Variants in MYO18B observed in about 807,000 individuals in gnomAD.
MYO18B encodes unconventional myosin-XVIIIb.
A neutral mutation model predicts 273.0 loss-of-function variants in MYO18B; 204 were observed. That is an observed-to-expected ratio of 0.75 (90% CI 0.67 to 0.84). The LOEUF is 0.84. Among genes scored for constraint, MYO18B ranks in the 40% least tolerant of loss-of-function variants. The pLI, the probability that MYO18B is intolerant of heterozygous loss-of-function variation, is 0.00. For synonymous variants in MYO18B, 1,330 were observed against 1,305.7 expected, an observed-to-expected ratio of 1.02 and a Z score of -0.40; for missense variants, 3,212 against 3,287.6, an observed-to-expected ratio of 0.98 and a Z score of 0.56.
At chr22:25,781,398 A>C (rs2087142965) in intron 9 of MYO18B, among the ~76,000 whole-genome samples, 2 of 152,128 alleles carry the variant, frequency 1.3e-5, no homozygotes, top group East Asian at 1.9e-4. Flanking sequence ...TCATGAGGTC[A>C]GGAGATTGAC....
intron 34 of MYO18B, among the ~76,000 whole-genome samples, chr22:25,941,272 T>C (rs1329444563): frequency 6.6e-6 from 1 of 152,190 alleles, no homozygotes; most frequent in Non-Finnish European, 1.5e-5. Context: ...CTGAGAGGCC[T>C]TGTCCATGGG....
At chr22:25,999,449 T>C (rs1180314515) in intron 40 of MYO18B, among the ~76,000 whole-genome samples, 3 of 152,060 alleles carry the variant, frequency 2.0e-5, no homozygotes, top group Non-Finnish European at 4.4e-5. Flanking sequence ...AGACATTGAA[T>C]TAATTATCTC....
chr22:25,754,738 G>A lies in MYO18B; in HGVS notation c.-109-6246G>A, dbSNP rs147472841. 5.3e-3 allele frequency among the ~76,000 whole-genome samples: 800 copies of A among 152,340 alleles called. 8 individuals are homozygous for A. The highest frequency in any genetic ancestry group is 0.018 in the African/African-American group (760 of 41,582). ...AATTAAGTCTTGACAAAACCTCCCC[G>A]GCGGGATTGGCTCCTGGCCCTGGGT... is the stretch of plus-strand genomic sequence containing the variant. On this transcript the variant is annotated intron_variant, in intron 1 of 43. Coordinates refer to ENST00000335473, the MANE Select transcript of MYO18B (RefSeq NM_032608.7).
intron 12 of MYO18B, among the ~76,000 whole-genome samples, chr22:25,804,139 T>C (rs946696241): frequency 7.2e-5 from 11 of 152,184 alleles, no homozygotes; most frequent in Non-Finnish European, 2.9e-5. Context: ...GTAAATCCAC[T>C]TTCTCTGCAG....
intron 7 of MYO18B, among the ~76,000 whole-genome samples, chr22:25,773,279 C>T (rs541783405): frequency 1.3e-5 from 2 of 152,242 alleles, no homozygotes; most frequent in African/African-American, 4.8e-5. Flanking sequence ...CAACCCTCCC[C>T]TTGTGGAGTT....
At chr22:25,835,071 G>A (rs1033683567) in intron 16 of MYO18B, among the ~76,000 whole-genome samples, 6 of 152,230 alleles carry the variant, frequency 3.9e-5, no homozygotes, top group Non-Finnish European at 7.3e-5. Flanking sequence ...GGCCACACAG[G>A]AGGTGAGCAC....
chr22:25,932,311 T>C (rs2092514316), intron 34 of MYO18B, among the ~76,000 whole-genome samples: 4 of 152,140 alleles, frequency 2.6e-5, no homozygotes, highest in Admixed American at 1.3e-4. Context: ...CTAATCAAAA[T>C]CACAAAATTT....
At chr22:25,893,533 T>G (rs2091718317) in intron 27 of MYO18B, among the ~76,000 whole-genome samples, 1 of 152,228 alleles carries the variant, frequency 6.6e-6, no homozygotes, top group Non-Finnish European at 1.5e-5. Context: ...GCTGCAGAAA[T>G]GCTTTCTGCT....
At chr22:25,909,788 C>T (rs1206371604) in intron 32 of MYO18B, among the ~76,000 whole-genome samples, 1 of 152,188 alleles carries the variant, frequency 6.6e-6, no homozygotes, top group African/African-American at 2.4e-5. Flanking sequence ...GTCTATCTCT[C>T]ACGTTGGCAG....
At chr22:25,792,265 C>G (rs12106587) in intron 11 of MYO18B, among the ~76,000 whole-genome samples, 3 of 152,110 alleles carry the variant, frequency 2.0e-5, no homozygotes, top group African/African-American at 7.2e-5. Flanking sequence ...ATGCCTGCCT[C>G]GTGGGGAAAA....
At chr22:25,978,125 A>G (rs571112554) in intron 39 of MYO18B, among the ~76,000 whole-genome samples, 2 of 152,340 alleles carry the variant, frequency 1.3e-5, no homozygotes, top group African/African-American at 4.8e-5. Flanking sequence ...GGAGATCAAT[A>G]TAGTAGGGAA....
intron 11 of MYO18B, among the ~76,000 whole-genome samples, chr22:25,787,272 G>GCGCGCA (rs1482737296): frequency 1.5e-5 from 2 of 136,582 alleles, no homozygotes; most frequent in African/African-American, 5.1e-5. Context: ...GCAGGCGCGC[G>GCGCGCA]CACACACACA....
rs3070569 is a variant in MYO18B, at chr22:25,917,545, GGTGTGTGTGTGTGT to G, written c.5365-3689_5365-3676del. On this transcript the variant is annotated intron_variant, in intron 33 of 43. Transcript: ENST00000335473. ...CTATTTCATTTTAAAGCTTTGTAGG[GGTGTGTGTGTGTGT>G]GTGTGTGTGTGTGTGTGTGTGTATG... is the stretch of plus-strand genomic sequence containing the variant. Among the ~76,000 whole-genome samples, 113 of 142,246 alleles carry G rather than the reference GGTGTGTGTGTGTGT, an allele frequency of 7.9e-4. 1 individual carries two copies. In the South Asian group the frequency reaches 0.02, roughly 25 times the overall value. The allele number at this position is 142,246 out of a possible 152,430, so 93.3% of individuals were successfully genotyped here. A position where few individuals can be genotyped will look rare whatever the true frequency, so the allele number is the denominator to read the frequency against.
At chr22:25,753,774 C>T (rs556072315) in intron 1 of MYO18B, among the ~76,000 whole-genome samples, 26 of 152,238 alleles carry the variant, frequency 1.7e-4, no homozygotes, top group African/African-American at 4.8e-4. Context: ...AGTGAGACCG[C>T]GAACCCATGA....
intron 1 of MYO18B, among the ~76,000 whole-genome samples, chr22:25,752,234 C>G (rs369974278): frequency 6.7e-6 from 1 of 148,486 alleles, no homozygotes; most frequent in African/African-American, 2.5e-5. Flanking sequence ...GTCGCCCAGG[C>G]TGGAGTGCAG....
chr22:25,929,871 A>T lies in MYO18B; in HGVS notation c.5517+8462A>T, dbSNP rs530525746. On this transcript the variant is annotated intron_variant, in intron 34 of 43. Coordinates refer to ENST00000335473, the MANE Select transcript of MYO18B (RefSeq NM_032608.7). Reference sequence around the variant, plus strand: ...TCTTTGTACCGTCTGATCTTTGGAGAGAGAATTTTAAAATTTAAACGCAAA... The same window carrying T: ...TCTTTGTACCGTCTGATCTTTGGAGTGAGAATTTTAAAATTTAAACGCAAA... Among the ~76,000 whole-genome samples, 4 of 152,196 alleles carry T rather than the reference A, an allele frequency of 2.6e-5. No homozygotes were observed. The South Asian group carries it at 8.3e-4, about 32-fold the overall frequency.
the MYO18B span, among the ~76,000 whole-genome samples, chr22:26,060,692 GTACA>G: frequency 2.6e-5 from 4 of 151,618 alleles, no homozygotes; most frequent in African/African-American, 4.9e-5. Flanking sequence ...ACACACATAT[GTACA>G]TACATACACA....
At chr22:25,787,449 C>T (rs1046193830) in intron 11 of MYO18B, among the ~76,000 whole-genome samples, 1 of 152,072 alleles carries the variant, frequency 6.6e-6, no homozygotes, top group African/African-American at 2.4e-5. Context: ...TTGAGAACCA[C>T]TGTTGTAGAG....
At chr22:25,912,361 T>C (rs182649976) in intron 33 of MYO18B, among the ~76,000 whole-genome samples, 3 of 152,254 alleles carry the variant, frequency 2.0e-5, no homozygotes, top group East Asian at 1.9e-4. Context: ...TCTAGAATGA[T>C]AGAGGGGAAT....
Sources: gnomAD v4.1 joint callset for allele counts (sites outside exome capture counted in the v4.1 genomes callset) on GRCh38, gnomAD v4.1.1 for gene constraint, MANE v1.5 for transcripts, NCBI Gene and HGNC (gene_info 2026-07-23, HGNC 2026-07-21) for gene names.